Variants in LHFPL5 observed in about 807,000 individuals in gnomAD.
The protein encoded by LHFPL5 is LHFPL tetraspan subfamily member 5 protein.
LHFPL5 carries 12 observed loss-of-function variants against 18.7 expected under a neutral mutation model. The observed-to-expected ratio is 0.64, with a 90% CI of 0.41 to 1.04. The LOEUF is 1.04. Ranked by LOEUF, LHFPL5 falls within the 50% of genes least tolerant of loss-of-function variation. The pLI, the probability that LHFPL5 is intolerant of heterozygous loss-of-function variation, is 0.00. For missense variants in LHFPL5, 259 were observed against 292.1 expected, an observed-to-expected ratio of 0.89 and a Z score of 0.83; for synonymous variants, 111 against 120.2, an observed-to-expected ratio of 0.92 and a Z score of 0.50.
At position 35,805,994 on chromosome 6, in the gene LHFPL5, C is replaced by G. The variant is rs1350781182; in HGVS notation, c.324C>G (p.Ile108Met). 6.2e-7 allele frequency: 1 copy of G among 1,614,250 alleles called. No individual in the cohort carries two copies. The highest frequency in any genetic ancestry group is 8.5e-7 in the Non-Finnish European group (1 of 1,180,030). ...MFFVALGMFL[I>M]IGSIICFSLF... The stretch of plus-strand genomic sequence containing the variant: ...TTGTGGCCTTGGGCATGTTCCTCAT[C>G]ATTGGCTCCATCATCTGCTTCAGCC... The change falls in exon 1 of 4, where the codon ATC becomes ATG. Residue 108 changes from isoleucine (I) to methionine (M), a missense_variant. Transcript: ENST00000360215. This position sits in a 1 kb window ranked among gnomAD's most constrained non-coding sequence, Gnocchi z 4.3.
intron 2 of LHFPL5, among the ~76,000 whole-genome samples, chr6:35,819,198 A>G (rs1768821468): frequency 6.6e-6 from 1 of 152,156 alleles, no homozygotes; most frequent in Admixed American, 6.6e-5. Context: ...GCTGCCTAAC[A>G]ATGCCTTTAG....
At chr6:35,821,122 T>C (rs968509932) in intron 3 of LHFPL5, among the ~76,000 whole-genome samples, 1 of 151,790 alleles carries the variant, frequency 6.6e-6, no homozygotes, top group Non-Finnish European at 1.5e-5. Context: ...TGGCCAACAT[T>C]GGGAAACCCC....
intron 1 of LHFPL5, among the ~76,000 whole-genome samples, chr6:35,809,169 G>A (rs1157531708): frequency 6.6e-6 from 1 of 152,168 alleles, no homozygotes; most frequent in Non-Finnish European, 1.5e-5. Flanking sequence ...GCTGGGAGTT[G>A]TCCCAGCTCC....
At chr6:35,820,460 G>T (rs1247101710) in intron 3 of LHFPL5, among the ~76,000 whole-genome samples, 2 of 152,154 alleles carry the variant, frequency 1.3e-5, no homozygotes, top group East Asian at 3.9e-4. Flanking sequence ...CAGCACTTTG[G>T]GAGGCTGAGG....
intron 1 of LHFPL5, among the ~76,000 whole-genome samples, chr6:35,808,809 G>A (rs1224211871): frequency 6.6e-6 from 1 of 151,790 alleles, no homozygotes; most frequent in East Asian, 1.9e-4. Context: ...GCAGTGCCAG[G>A]AGGGGGAGGG....
chr6:35,818,643 T>C (rs912489611), intron 2 of LHFPL5, among the ~76,000 whole-genome samples: 29 of 150,860 alleles, frequency 1.9e-4, no homozygotes, highest in African/African-American at 6.6e-4. Flanking sequence ...AGCCACTGCA[T>C]CCAGCTTGTT....
chr6:35,806,001 T>G lies in LHFPL5; in HGVS notation c.331T>G (p.Ser111Ala). The part of the protein sequence containing the change: ...VALGMFLIIG[S>A]IICFSLFFIC... ...CTTGGGCATGTTCCTCATCATTGGC[T>G]CCATCATCTGCTTCAGCCTGTTCTT... Residue 111 changes from serine (S) to alanine (A), a missense_variant, in exon 1 of 4, where the codon TCC (serine) becomes GCC (alanine). Transcript: ENST00000360215. The G allele has an allele frequency of 1.2e-6, 2 of 1,614,212 alleles. No homozygotes were observed. The highest frequency in any genetic ancestry group is 2.2e-5 in the South Asian group (2 of 91,086).
chr6:35,814,556 A>C lies in LHFPL5; in HGVS notation c.423A>C (p.Leu141=). 1 of 1,613,896 alleles carries C rather than the reference A, an allele frequency of 6.2e-7. No homozygotes were observed. Among genetic ancestry groups the C allele is most frequent in the Non-Finnish European group, 8.5e-7 (1 of 1,179,816 alleles). The change falls in exon 2 of 4, where the codon CTA becomes CTC. Residue 141 remains leucine, a synonymous_variant. Coordinates refer to ENST00000360215, the MANE Select transcript of LHFPL5 (RefSeq NM_182548.4). This position sits in a 1 kb window ranked among gnomAD's most constrained non-coding sequence, Gnocchi z 4.2. The stretch of plus-strand genomic sequence containing the variant: ...CTCCTTCCCCCTCAGCCACAGGCCT[A>C]ATGATTGGCTGCCTGGTCTACCCTG... The part of the protein sequence containing the change: ...AWMQLAAATG[L]MIGCLVYPDG...
At chr6:35,816,948 G>A (rs1159602118) in intron 2 of LHFPL5, among the ~76,000 whole-genome samples, 2 of 152,074 alleles carry the variant, frequency 1.3e-5, no homozygotes, top group Non-Finnish European at 2.9e-5. Context: ...ATCTCTGTAT[G>A]TGAAAGAATG....
Position 35,805,995 on chromosome 6 carries a change from A to G in LHFPL5, c.325A>G (p.Ile109Val). 6.2e-7 allele frequency: 1 copy of G among 1,614,136 alleles called. No homozygotes were observed. The highest frequency in any genetic ancestry group is 8.5e-7 in the Non-Finnish European group (1 of 1,180,032). ...TGTGGCCTTGGGCATGTTCCTCATC[A>G]TTGGCTCCATCATCTGCTTCAGCCT... ...FFVALGMFLIIGSIICFSLFF... is the reference protein window; with the variant it reads ...FFVALGMFLIVGSIICFSLFF... Residue 109 changes from isoleucine to valine, a missense_variant, in exon 1 of 4, where the codon ATT (isoleucine) becomes GTT (valine). Physicochemically the swap from Ile to Val is conservative, Grantham distance 29. Coordinates refer to ENST00000360215, the MANE Select transcript of LHFPL5 (RefSeq NM_182548.4). This position sits in a 1 kb window ranked among gnomAD's most constrained non-coding sequence, Gnocchi z 4.3.
intron 3 of LHFPL5, among the ~76,000 whole-genome samples, 157 bp from the exon 4 acceptor site, chr6:35,822,825 G>GCCT (rs1284894146): frequency 6.6e-6 from 1 of 152,020 alleles, no homozygotes; most frequent in Admixed American, 6.6e-5. Context: ...GGCCAGGCTG[G>GCCT]CCTCGAACTC....
Position 35,823,517 on chromosome 6 carries a change from C to A in LHFPL5, c.*552C>A. The A allele has an allele frequency of 6.6e-6, 1 of 151,282 alleles. No individual in the cohort carries two copies. 9.4% of individuals were successfully genotyped at this position (151,282 alleles called of 1,614,324 possible). On this transcript the variant is annotated 3_prime_UTR_variant, in exon 4 of 4. Coordinates refer to ENST00000360215, the MANE Select transcript of LHFPL5 (RefSeq NM_182548.4). Reference sequence around the variant, plus strand: ...CAAACACACACAAATGCCCAACCAGCTCTAAGAGGGCACTGAAGAGGTGGC... The same window carrying A: ...CAAACACACACAAATGCCCAACCAGATCTAAGAGGGCACTGAAGAGGTGGC...
chr6:35,819,072 A>G (rs977713442), intron 2 of LHFPL5, among the ~76,000 whole-genome samples: 1 of 151,842 alleles, frequency 6.6e-6, no homozygotes, highest in Non-Finnish European at 1.5e-5. Context: ...GCCTCAAGTG[A>G]TCCACCTTCC....
At chr6:35,815,987 T>C (rs1253601203) in intron 2 of LHFPL5, among the ~76,000 whole-genome samples, 1 of 152,042 alleles carries the variant, frequency 6.6e-6, no homozygotes, top group Non-Finnish European at 1.5e-5. Flanking sequence ...CTGGCCAACA[T>C]GGTGAAACCC....
chr6:35,817,983 A>G (rs937673774), intron 2 of LHFPL5, among the ~76,000 whole-genome samples: 1 of 152,240 alleles, frequency 6.6e-6, no homozygotes, highest in Admixed American at 6.5e-5. Flanking sequence ...TGATGAACAG[A>G]TAAACAAAAT....
At chr6:35,808,055 C>A (rs984257384) in intron 1 of LHFPL5, among the ~76,000 whole-genome samples, 6 of 152,050 alleles carry the variant, frequency 3.9e-5, no homozygotes, top group African/African-American at 1.4e-4. Context: ...CCCAGCAAAT[C>A]CCCTTGCCAC....
chr6:35,812,629 T>A (rs1768684452), intron 1 of LHFPL5, among the ~76,000 whole-genome samples: 1 of 152,148 alleles, frequency 6.6e-6, no homozygotes, highest in Admixed American at 6.5e-5. Context: ...TCTTATGGAG[T>A]GCCAAGTCTG....
At position 35,806,038 on chromosome 6, in the gene LHFPL5, C is replaced by T. The variant is rs753328267; in HGVS notation, c.368C>T (p.Thr123Met). ...TTCAGCCTGTTCTTCATCTGCAACA[C>T]GGCCACAGTCTATAAGATCTGTGCA... ...ICFSLFFICN[T>M]ATVYKICAWM... The change falls in exon 1 of 4, where the codon ACG becomes ATG. Residue 123 changes from threonine (T) to methionine (M), a missense_variant. Physicochemically the swap from Thr to Met is moderately conservative, Grantham distance 81. Coordinates refer to ENST00000360215, the MANE Select transcript of LHFPL5 (RefSeq NM_182548.4). 1.2e-5 allele frequency: 20 copies of T among 1,614,206 alleles called. No homozygotes were observed. Among genetic ancestry groups the T allele is most frequent in the Admixed American group, 3.3e-5 (2 of 60,026 alleles).
At position 35,819,486 on chromosome 6, in the gene LHFPL5, G is replaced by A. The variant is rs1274695189; in HGVS notation, c.*16+23G>A. 3 of 1,611,382 alleles carry A rather than the reference G, an allele frequency of 1.9e-6. No individual in the cohort carries two copies. The South Asian group carries it at 3.3e-5, about 18-fold the overall frequency. The stretch of plus-strand genomic sequence containing the variant: ...TCGGTGAGTAATTCTATGGGAGGGT[G>A]GTCTGCGTGCCCTTAGAAAGGCTGG... On this transcript the variant is annotated intron_variant, in intron 3 of 3. Transcript: ENST00000360215.
Sources: allele counts gnomAD v4.1 joint callset (sites outside exome capture counted in the v4.1 genomes callset), GRCh38; gene constraint gnomAD v4.1.1; non-coding constraint Gnocchi (gnomAD v3.1); transcripts MANE v1.5; gene names NCBI Gene and HGNC (gene_info 2026-07-23, HGNC 2026-07-21).